Variants in LMCD1 observed in about 807,000 individuals in gnomAD.
LMCD1 encodes LIM and cysteine rich domains 1, also known as LIM and cysteine-rich domains protein 1.
A neutral mutation model predicts 42.7 loss-of-function variants in LMCD1; 32 were observed. That is an observed-to-expected ratio of 0.75 (90% confidence interval 0.57 to 1.01). The LOEUF (loss-of-function observed/expected upper bound fraction) is 1.01. Among genes scored for constraint, LMCD1 ranks in the 50% least tolerant of loss-of-function variants. LMCD1 has a pLI of 0.00. For synonymous variants in LMCD1, 178 were observed against 184.9 expected (o/e 0.96, Z 0.30); for missense variants, 458 against 483.1 (o/e 0.95, Z 0.49).
At position 8,565,744 on chromosome 3, in the gene LMCD1, G is replaced by T. The variant is rs1458482037; in HGVS notation, c.939+97G>T. On this transcript the variant is annotated intron_variant, in intron 5 of 5. Coordinates refer to ENST00000157600, the MANE Select transcript of LMCD1 (RefSeq NM_014583.4). ...AGGAGCATGGCTTTGTGGATGATGTGTTCTACAGATTGGGAAACTGAAGTC... is the reference window on the plus strand; with the variant it reads ...AGGAGCATGGCTTTGTGGATGATGTTTTCTACAGATTGGGAAACTGAAGTC... The T allele has an allele frequency of 4.3e-6, 5 of 1,175,936 alleles. No individual in the cohort carries two copies. The East Asian group carries it at 1.0e-4, about 24-fold the overall frequency. 72.8% of individuals were successfully genotyped at this position (1,175,936 alleles called of 1,614,324 possible).
At chr3:8,542,185 A>G (rs1694640587) in intron 3 of LMCD1, among the ~76,000 whole-genome samples, 1 of 151,694 alleles carries the variant, frequency 6.6e-6, no homozygotes, top group Admixed American at 6.6e-5. Context: ...GTTTTTAAGT[A>G]GAGATGGGGT....
chr3:8,551,590 C>G (rs1694837518), intron 4 of LMCD1, among the ~76,000 whole-genome samples: 1 of 152,198 alleles, frequency 6.6e-6, no homozygotes, highest in African/African-American at 2.4e-5. Context: ...GTTATTTGTT[C>G]CAGGCAGGAA....
chr3:8,549,581 C>T (rs2125032692), intron 4 of LMCD1, among the ~76,000 whole-genome samples: 1 of 152,354 alleles, frequency 6.6e-6, no homozygotes, highest in Middle Eastern at 3.4e-3. Flanking sequence ...AGGTCATAGA[C>T]AGGCTTTTGG....
chr3:8,531,293 TCTC>T (rs1312951711), intron 1 of LMCD1, among the ~76,000 whole-genome samples: 1 of 152,216 alleles, frequency 6.6e-6, no homozygotes, highest in Non-Finnish European at 1.5e-5. Context: ...CTGCTAGGCA[TCTC>T]CTTTCCCTTT....
chr3:8,550,998 T>C, intron 4 of LMCD1: 1 of 985,360 alleles, frequency 1.0e-6, no homozygotes, highest in Non-Finnish European at 1.2e-6. Flanking sequence ...ATTGTGAACT[T>C]GGGAAGCATT....
At chr3:8,546,120 G>A (rs1205539647) in intron 3 of LMCD1, among the ~76,000 whole-genome samples, 16 of 152,066 alleles carry the variant, frequency 1.1e-4, no homozygotes, top group Admixed American at 7.2e-4. Flanking sequence ...GTGACAGAGC[G>A]AGACTCTGTC....
intron 2 of LMCD1, among the ~76,000 whole-genome samples, chr3:8,533,331 G>A (rs1694448124): frequency 6.6e-6 from 1 of 152,306 alleles, no homozygotes; most frequent in South Asian, 2.1e-4. Context: ...GCTGGAGTTG[G>A]ATTCGCAGAG....
intron 1 of LMCD1, among the ~76,000 whole-genome samples, chr3:8,506,870 C>T (rs959044099): frequency 2.0e-5 from 3 of 152,184 alleles, no homozygotes; most frequent in Admixed American, 2.0e-4. Flanking sequence ...GCCTCCAGCC[C>T]ACTGACTTTT....
chr3:8,538,795 A>C (rs1487395286), intron 3 of LMCD1, among the ~76,000 whole-genome samples: 1 of 152,036 alleles, frequency 6.6e-6, no homozygotes, highest in African/African-American at 2.4e-5. Flanking sequence ...GAGGGCAGAC[A>C]CCCTGCCTGT....
At chr3:8,527,486 C>T (rs1694322886) in intron 1 of LMCD1, among the ~76,000 whole-genome samples, 1 of 152,102 alleles carries the variant, frequency 6.6e-6, no homozygotes, top group South Asian at 2.1e-4. Flanking sequence ...AGGGTAGTTT[C>T]AGGGTCATAT....
At chr3:8,539,064 T>G (rs1298567112) in intron 3 of LMCD1, among the ~76,000 whole-genome samples, 1 of 152,226 alleles carries the variant, frequency 6.6e-6, no homozygotes, top group African/African-American at 2.4e-5. Context: ...AGAATTCCAC[T>G]GTGGTAAGAC....
intron 4 of LMCD1, chr3:8,550,589 C>A: frequency 4.1e-6 from 4 of 985,088 alleles, no homozygotes; most frequent in Non-Finnish European, 4.8e-6. Context: ...ACTCTAAGAC[C>A]AAAGAACAAG....
intron 4 of LMCD1, among the ~76,000 whole-genome samples, chr3:8,561,601 T>G (rs1695038722): frequency 6.6e-6 from 1 of 152,232 alleles, no homozygotes; most frequent in African/African-American, 2.4e-5. Context: ...GAACTTTGGC[T>G]TTGGAGTCAG....
Position 8,565,660 on chromosome 3 carries a change from C to A in LMCD1, c.939+13C>A. The A allele has an allele frequency of 1.3e-6, 2 of 1,576,442 alleles. No homozygotes were observed. The highest frequency in any genetic ancestry group is 1.1e-5 in the South Asian group (1 of 87,300). On this transcript the variant is annotated intron_variant, in intron 5 of 5. Coordinates refer to ENST00000157600, the MANE Select transcript of LMCD1 (RefSeq NM_014583.4). ...CGGCTGCGATGAGGTGGGAGATAGC[C>A]GCGAGATGGGTTAGGGGGCTTGAGG...
intron 2 of LMCD1, among the ~76,000 whole-genome samples, chr3:8,534,911 A>T (rs980472508): frequency 6.6e-6 from 1 of 152,210 alleles, no homozygotes; most frequent in Admixed American, 6.5e-5. Context: ...TGTTGACACC[A>T]TTTCAAGGAA....
intron 4 of LMCD1, among the ~76,000 whole-genome samples, chr3:8,560,644 G>A (rs192658274): frequency 1.3e-5 from 2 of 152,308 alleles, no homozygotes; most frequent in Non-Finnish European, 2.9e-5. Context: ...TTTGTATTCA[G>A]ACAGCCCTGG....
chr3:8,568,138 T>C lies in LMCD1; in HGVS notation c.*540T>C, dbSNP rs1695159649. 1 of 152,228 alleles carries C rather than the reference T, an allele frequency of 6.6e-6. No individual in the cohort carries two copies. Among genetic ancestry groups the C allele is most frequent in the South Asian group, 2.1e-4 (1 of 4,828 alleles). The allele number at this position is 152,228 out of a possible 1,614,324, so 9.4% of individuals were successfully genotyped here. On this transcript the variant is annotated 3_prime_UTR_variant, in exon 6 of 6. Transcript: ENST00000157600. ...GAATTCCACATACACCCTTATCTAA[T>C]TATTTACACCATGGCAGTGATTTTG...
intron 4 of LMCD1, among the ~76,000 whole-genome samples, chr3:8,557,953 T>C (rs568857972): frequency 3.4e-4 from 52 of 152,148 alleles, no homozygotes; most frequent in Admixed American, 3.1e-3. Context: ...GGACCCTCCA[T>C]TGACCTCCTT....
chr3:8,543,440 T>TAGATAGATAGACAGAC (rs1414608408), intron 3 of LMCD1, among the ~76,000 whole-genome samples: 78 of 134,252 alleles, frequency 5.8e-4, no homozygotes, highest in African/African-American at 1.8e-3. Context: ...GATAGATAGA[T>TAGATAGATAGACAGAC]AGACAGACAG....
Sources: gnomAD v4.1 joint callset for allele counts (sites outside exome capture counted in the v4.1 genomes callset) on GRCh38, gnomAD v4.1.1 for gene constraint, MANE v1.5 for transcripts, NCBI Gene and HGNC (gene_info 2026-07-23, HGNC 2026-07-21) for gene names.